The following OR2T6 variants were observed in gnomAD, a reference collection of about 807,000 sequenced individuals.
OR2T6 encodes the protein olfactory receptor 2T6.
For synonymous variants in OR2T6, 174 were observed against 148.0 expected, an observed-to-expected ratio of 1.18 and a Z score of -1.27; for missense variants, 424 against 391.6, an observed-to-expected ratio of 1.08 and a Z score of -0.70.
intron 1 of OR2T6, among the ~76,000 whole-genome samples, chr1:248,379,211 T>G (rs778623216): frequency 6.6e-6 from 1 of 152,170 alleles, no homozygotes; most frequent in Non-Finnish European, 1.5e-5. Context: ...ATATTTTTGT[T>G]GATATGTTGT....
At chr1:248,386,538 G>A (rs1409887422) in intron 2 of OR2T6, among the ~76,000 whole-genome samples, 24 of 152,086 alleles carry the variant, frequency 1.6e-4, no homozygotes, top group Non-Finnish European at 3.4e-4. Flanking sequence ...GAAAAAAACA[G>A]AAAGATCATA....
At chr1:248,379,222 T>C (rs1034187944) in intron 1 of OR2T6, among the ~76,000 whole-genome samples, 1 of 152,178 alleles carries the variant, frequency 6.6e-6, no homozygotes, top group African/African-American at 2.4e-5. Context: ...GATATGTTGT[T>C]GATATTATGA....
At chr1:248,381,685 G>C (rs572363999) in intron 1 of OR2T6, among the ~76,000 whole-genome samples, 55 of 151,930 alleles carry the variant, frequency 3.6e-4, no homozygotes, top group African/African-American at 1.3e-3. Flanking sequence ...ATATGTCTTT[G>C]TTGATAAGAA....
intron 2 of OR2T6, among the ~76,000 whole-genome samples, chr1:248,385,206 T>C (rs1286018911): frequency 6.6e-6 from 1 of 152,196 alleles, no homozygotes; most frequent in Admixed American, 6.5e-5. Context: ...AGAGACCTTG[T>C]ACATGTGCTG....
chr1:248,378,510 C>A (rs1178615576), intron 1 of OR2T6, among the ~76,000 whole-genome samples: 8 of 152,048 alleles, frequency 5.3e-5, no homozygotes, highest in Non-Finnish European at 1.2e-4. Flanking sequence ...TATCCGAATT[C>A]TCATCTTACT....
intron 1 of OR2T6, among the ~76,000 whole-genome samples, chr1:248,381,743 AAT>A (rs1040566105): frequency 1.3e-4 from 20 of 151,848 alleles, no homozygotes; most frequent in South Asian, 8.4e-4. Flanking sequence ...ATTATTTTTA[AAT>A]ATATATATAT....
Position 248,388,316 on chromosome 1 carries a change from G to A in OR2T6, c.708G>A (p.Lys236=), listed in dbSNP as rs1661185066. The part of the protein sequence containing the change: ...HQMTSAEGRK[K]AFATCSSHMM... ...TGACATCGGCTGAAGGGAGGAAGAA[G>A]GCCTTTGCCACCTGCTCTTCACACA... is the stretch of plus-strand genomic sequence containing the variant. Residue 236 remains lysine (K), a synonymous_variant, in exon 3 of 3, where the codon AAG becomes AAA. Coordinates refer to ENST00000641644, the MANE Select transcript of OR2T6 (RefSeq NM_001005471.2). 9 of 1,613,802 alleles carry A rather than the reference G, an allele frequency of 5.6e-6. No homozygotes were observed. The highest frequency in any genetic ancestry group is 7.6e-6 in the Non-Finnish European group (9 of 1,179,814).
chr1:248,381,709 A>T (rs1464059117), intron 1 of OR2T6, among the ~76,000 whole-genome samples: 1 of 152,056 alleles, frequency 6.6e-6, no homozygotes, highest in Non-Finnish European at 1.5e-5. Context: ...TTTGAGTTCT[A>T]TGCAATAAGG....
chr1:248,388,607 G>A lies in OR2T6; in HGVS notation c.*72G>A, dbSNP rs1170736609. 1 of 1,198,162 alleles carries A rather than the reference G, an allele frequency of 8.3e-7. No individual in the cohort carries two copies. The highest frequency in any genetic ancestry group is 1.2e-6 in the Non-Finnish European group (1 of 858,670). 74.2% of individuals were successfully genotyped at this position (1,198,162 alleles called of 1,614,324 possible). A position where few individuals can be genotyped will look rare whatever the true frequency, so the allele number is the denominator to read the frequency against. Reference sequence around the variant, plus strand: ...CCACATCCTGTTCAGGCATATATGGGGTCGTATCATGGATACCACGGATGA... The same window carrying A: ...CCACATCCTGTTCAGGCATATATGGAGTCGTATCATGGATACCACGGATGA... On this transcript the variant is annotated 3_prime_UTR_variant, in exon 3 of 3. Transcript: ENST00000641644.
chr1:248,388,005 C>CAG lies in OR2T6; in HGVS notation c.397_398insAG (p.Pro133GlnfsTer12), dbSNP rs1216633556. The stretch of plus-strand genomic sequence containing the variant: ...GGCCATCTGCAACCCACTGCGCTAT[C>CAG]CTGTCCTCATCAGCTGGCGGGTCTG... On this transcript the variant is annotated frameshift_variant, in exon 3 of 3. Coordinates refer to ENST00000641644, the MANE Select transcript of OR2T6 (RefSeq NM_001005471.2). LOFTEE classifies it low-confidence loss of function (END_TRUNC). 1.2e-6 allele frequency: 2 copies of CAG among 1,612,900 alleles called. No individual in the cohort carries two copies. The highest frequency in any genetic ancestry group is 1.7e-6 in the Non-Finnish European group (2 of 1,179,472).
chr1:248,385,664 A>G (rs1447933307), intron 2 of OR2T6, among the ~76,000 whole-genome samples: 2 of 152,218 alleles, frequency 1.3e-5, no homozygotes, highest in African/African-American at 2.4e-5. Context: ...AGTGTTCAAC[A>G]GGTGACACAT....
intron 1 of OR2T6, 96 bp downstream of exon 1, chr1:248,376,150 G>A (rs922250380): frequency 3.9e-5 from 6 of 152,152 alleles, no homozygotes; most frequent in Admixed American, 2.0e-4. Context: ...AAAACAAATA[G>A]GGAAGTTCAC....
chr1:248,390,958 A>G lies in OR2T6; in HGVS notation c.*2423A>G, dbSNP rs1355539334. The G allele has an allele frequency of 6.6e-6, 1 of 152,208 alleles. No individual in the cohort carries two copies. Among genetic ancestry groups the G allele is most frequent in the Non-Finnish European group, 1.5e-5 (1 of 68,030 alleles). 9.4% of individuals were successfully genotyped at this position (152,208 alleles called of 1,614,324 possible). A position where few individuals can be genotyped will look rare whatever the true frequency, so the allele number is the denominator to read the frequency against. ...TAAAACCTTATAAATGCTAGTCATT[A>G]TTTCAGCTATTCTTTGAAAAGATGA... On this transcript the variant is annotated 3_prime_UTR_variant, in exon 3 of 3. Coordinates refer to ENST00000641644, the MANE Select transcript of OR2T6 (RefSeq NM_001005471.2).
chr1:248,380,905 C>T (rs7540715), intron 1 of OR2T6, among the ~76,000 whole-genome samples: 116,625 of 151,790 alleles, frequency 0.77, 45,510 homozygotes, highest in African/African-American at 0.91. Flanking sequence ...AATATCACCT[C>T]ATATTGTAGT....
chr1:248,388,768 T>C lies in OR2T6; in HGVS notation c.*233T>C. Reference sequence around the variant, plus strand: ...GAAACACCACTCATGTTTATTCTTCTTTTGTTTCTACTGATTCCAAGTCTT... The same window carrying C: ...GAAACACCACTCATGTTTATTCTTCCTTTGTTTCTACTGATTCCAAGTCTT... On this transcript the variant is annotated 3_prime_UTR_variant, in exon 3 of 3. Transcript: ENST00000641644. The C allele has an allele frequency of 2.3e-6, 1 of 440,196 alleles. No individual in the cohort carries two copies. Among genetic ancestry groups the C allele is most frequent in the Non-Finnish European group, 4.0e-6 (1 of 251,060 alleles). 27.3% of individuals were successfully genotyped at this position (440,196 alleles called of 1,614,324 possible).
intron 1 of OR2T6, among the ~76,000 whole-genome samples, chr1:248,379,523 G>A (rs746839928): frequency 6.6e-6 from 1 of 152,098 alleles, no homozygotes; most frequent in Admixed American, 6.6e-5. Flanking sequence ...ATCTTTGAAG[G>A]GGGATAGAAT....
At chr1:248,386,306 G>T (rs982096314) in intron 2 of OR2T6, among the ~76,000 whole-genome samples, 1 of 152,102 alleles carries the variant, frequency 6.6e-6, no homozygotes, top group African/African-American at 2.4e-5. Context: ...ATTGTGTATG[G>T]TTTCCTGCCT....
chr1:248,376,391 A>G (rs535296528), intron 1 of OR2T6, among the ~76,000 whole-genome samples: 1 of 152,366 alleles, frequency 6.6e-6, no homozygotes, highest in East Asian at 1.9e-4. Flanking sequence ...TTTTAACTGA[A>G]CTAACAAAGG....
intron 1 of OR2T6, among the ~76,000 whole-genome samples, chr1:248,383,257 A>G (rs1223793584): frequency 4.8e-5 from 5 of 104,472 alleles, no homozygotes; most frequent in African/African-American, 1.7e-4. Flanking sequence ...ATCATCATGG[A>G]GAAAGCACTG....
Sources: gnomAD v4.1 joint callset for allele counts (sites outside exome capture counted in the v4.1 genomes callset) on GRCh38, gnomAD v4.1.1 for gene constraint, MANE v1.5 for transcripts, NCBI Gene and HGNC (gene_info 2026-07-23, HGNC 2026-07-21) for gene names.